Variants in OPCML observed in about 807,000 individuals in gnomAD.
OPCML encodes opioid-binding protein/cell adhesion molecule.
A neutral mutation model predicts 37.8 loss-of-function variants in OPCML; 13 were observed. The ratio of observed to expected loss-of-function variants is 0.34; its 90% CI spans 0.22 to 0.55. OPCML has a LOEUF of 0.55. OPCML is among the 20% of genes least tolerant of loss of function. The probability of loss-of-function intolerance (pLI) is 0.91; values close to 1 mark genes in which losing one functional copy is unlikely to be tolerated. For synonymous variants in OPCML, 176 were observed against 168.8 expected (o/e 1.04, Z -0.33); for missense variants, 341 against 435.6 (o/e 0.78, Z 1.93).
intron 1 of OPCML, among the ~76,000 whole-genome samples, chr11:133,256,477 C>T (rs1336804077): frequency 1.3e-5 from 2 of 152,096 alleles, no homozygotes; most frequent in Non-Finnish European, 2.9e-5. Flanking sequence ...GTACCATAAC[C>T]TTTGCTATGA....
intron 4 of OPCML, among the ~76,000 whole-genome samples, chr11:132,513,375 C>T (rs887396136): frequency 2.6e-5 from 4 of 152,046 alleles, no homozygotes; most frequent in African/African-American, 9.7e-5. Context: ...AAACATTTGT[C>T]CTTTGGGGAC....
chr11:132,774,625 G>C (rs116487076), intron 2 of OPCML, among the ~76,000 whole-genome samples: 2,202 of 152,286 alleles, frequency 0.014, 22 homozygotes, highest in Middle Eastern at 0.031. Flanking sequence ...AATTTTAGCT[G>C]CCTGAAGGTT....
chr11:132,648,490 G>A (rs1941266304), intron 3 of OPCML, among the ~76,000 whole-genome samples: 1 of 150,658 alleles, frequency 6.6e-6, no homozygotes, highest in Non-Finnish European at 1.5e-5. Flanking sequence ...TAAGGCAGAT[G>A]ACAGCCCCAG....
intron 1 of OPCML, among the ~76,000 whole-genome samples, chr11:133,403,589 G>C (rs542301633): frequency 1.8e-3 from 281 of 152,248 alleles, no homozygotes; most frequent in African/African-American, 5.8e-3. Flanking sequence ...TCTGTCTCAT[G>C]GTAACCTCTT....
chr11:133,424,518 T>C (rs914320007), intron 1 of OPCML, among the ~76,000 whole-genome samples: 9 of 152,216 alleles, frequency 5.9e-5, no homozygotes, highest in African/African-American at 2.2e-4. Flanking sequence ...GAGAGAATTT[T>C]TCCACATCAT....
rs911993386 is a variant in OPCML, at chr11:133,187,197, T to C, written c.62-244187A>G. Among the ~76,000 whole-genome samples, 4 of 152,252 alleles carry C rather than the reference T, an allele frequency of 2.6e-5. No individual in the cohort carries two copies. The East Asian group carries it at 7.8e-4, about 30-fold the overall frequency. ...TGCAGTAATCCATACAAGGGAGTCA[T>C]GGAGGTGTGGCATGGTGCTCAGATG... On this transcript the variant is annotated intron_variant, in intron 1 of 7. Coordinates refer to ENST00000524381, the MANE Select transcript of OPCML (RefSeq NM_001012393.5).
intron 1 of OPCML, among the ~76,000 whole-genome samples, chr11:133,405,278 T>C (rs763687566): frequency 1.3e-5 from 2 of 152,190 alleles, no homozygotes; most frequent in Non-Finnish European, 2.9e-5. Context: ...CAAACTCATT[T>C]TGACAGGGCG....
intron 1 of OPCML, among the ~76,000 whole-genome samples, chr11:133,098,310 C>T (rs1030300779): frequency 3.3e-5 from 5 of 151,396 alleles, no homozygotes; most frequent in Admixed American, 6.6e-5. Context: ...CTGCCTCCCG[C>T]GTTCATGCCA....
chr11:133,392,843 C>T (rs1945201732), intron 1 of OPCML, among the ~76,000 whole-genome samples: 1 of 152,176 alleles, frequency 6.6e-6, no homozygotes, highest in South Asian at 2.1e-4. Context: ...TTTGCCTGCT[C>T]ACCAAAATTT....
At chr11:133,064,373 G>A (rs1490322525) in intron 1 of OPCML, among the ~76,000 whole-genome samples, 1 of 152,248 alleles carries the variant, frequency 6.6e-6, no homozygotes, top group African/African-American at 2.4e-5. Context: ...CCCGGGCAGA[G>A]CTCCTCCGCA....
At chr11:133,382,712 C>A (rs1944957470) in intron 1 of OPCML, among the ~76,000 whole-genome samples, 1 of 152,154 alleles carries the variant, frequency 6.6e-6, no homozygotes, top group South Asian at 2.1e-4. Context: ...AACATTGATT[C>A]AGCAGGCAAC....
intron 1 of OPCML, among the ~76,000 whole-genome samples, chr11:133,438,806 G>A (rs1211644244): frequency 1.3e-5 from 2 of 152,070 alleles, no homozygotes; most frequent in Non-Finnish European, 2.9e-5. Context: ...GATCCCCAAC[G>A]GTCAACGATT....
At chr11:133,113,569 A>T (rs1949289433) in intron 1 of OPCML, among the ~76,000 whole-genome samples, 1 of 152,246 alleles carries the variant, frequency 6.6e-6, no homozygotes, top group African/African-American at 2.4e-5. Context: ...CTCAAACTTG[A>T]TTGCTCTTTT....
intron 1 of OPCML, among the ~76,000 whole-genome samples, chr11:133,433,624 C>T (rs1314331037): frequency 6.6e-6 from 1 of 152,146 alleles, no homozygotes; most frequent in Non-Finnish European, 1.5e-5. Flanking sequence ...ACACAGGAGT[C>T]GTGAATTAAC....
intron 1 of OPCML, chr11:133,422,045 G>T (rs1945898360): frequency 3.1e-6 from 2 of 644,078 alleles, no homozygotes; most frequent in Non-Finnish European, 3.9e-6. Context: ...GTGTATACGT[G>T]CCATGGTGGT....
rs897858148 is a variant in OPCML at position 132,922,388 on chromosome 11, C to T, written c.146+20538G>A. On this transcript the variant is annotated intron_variant, in intron 2 of 7. Transcript: ENST00000524381. Reference sequence around the variant, plus strand: ...GACAATCTGTGGAGACTCGCTTGAACGAGAACTATGAAGCCAAAAGAGGTC... The same window carrying T: ...GACAATCTGTGGAGACTCGCTTGAATGAGAACTATGAAGCCAAAAGAGGTC... Among the ~76,000 whole-genome samples the T allele has an allele frequency of 3.9e-5, 6 of 152,020 alleles. No individual in the cohort carries two copies. In the East Asian group the frequency reaches 5.8e-4, roughly 15 times the overall value.
chr11:133,256,663 T>C (rs920667461), intron 1 of OPCML, among the ~76,000 whole-genome samples: 15 of 152,216 alleles, frequency 9.9e-5, no homozygotes, highest in African/African-American at 3.6e-4. Flanking sequence ...TTCTGTGTTC[T>C]TTTTCCCATT....
Position 132,515,445 on chromosome 11 carries a change from C to A in OPCML, c.505+13616G>T, listed in dbSNP as rs142306718. Among the ~76,000 whole-genome samples, 527 of 152,250 alleles carry A rather than the reference C, an allele frequency of 3.5e-3. 1 individual carries two copies. Among genetic ancestry groups the A allele is most frequent in the African/African-American group, 0.012 (488 of 41,536 alleles). ...TAGGTGTTCTGTGGGAGATCAAATT[C>A]CCTCACCTCCTCACTCAACCCCAGT... On this transcript the variant is annotated intron_variant, in intron 4 of 7. Transcript: ENST00000524381.
intron 1 of OPCML, among the ~76,000 whole-genome samples, chr11:133,512,513 T>A (rs1181905461): frequency 6.6e-6 from 1 of 152,218 alleles, no homozygotes; most frequent in African/African-American, 2.4e-5. Flanking sequence ...TACATAGGCA[T>A]GACTGATTAC....
Sources: gnomAD v4.1 joint callset for allele counts (sites outside exome capture counted in the v4.1 genomes callset) on GRCh38, gnomAD v4.1.1 for gene constraint, MANE v1.5 for transcripts, NCBI Gene and HGNC (gene_info 2026-07-23, HGNC 2026-07-21) for gene names.